The following FAM13C variants were observed in gnomAD, a reference collection of about 807,000 sequenced individuals.
FAM13C encodes family with sequence similarity 13 member C.
A neutral mutation model predicts 73.2 loss-of-function variants in FAM13C; 37 were observed. That is an observed-to-expected ratio of 0.51 (90% confidence interval 0.39 to 0.67). The LOEUF (loss-of-function observed/expected upper bound fraction) is 0.67. Ranked by LOEUF, FAM13C falls within the 30% of genes least tolerant of loss-of-function variation. The pLI is 0.00. For synonymous variants in FAM13C, 246 were observed against 260.9 expected, an observed-to-expected ratio of 0.94 and a Z score of 0.55; for missense variants, 589 against 715.6, an observed-to-expected ratio of 0.82 and a Z score of 2.02.
At chr10:59,293,239 A>G (rs1260421762) in intron 5 of FAM13C, among the ~76,000 whole-genome samples, 1 of 135,506 alleles carries the variant, frequency 7.4e-6, no homozygotes, top group African/African-American at 2.6e-5. Flanking sequence ...ATGCCCAGCT[A>G]ATTTTTTTTT....
chr10:59,252,427 CTTAAA>C (rs1400309680), intron 12 of FAM13C, among the ~76,000 whole-genome samples: 3 of 151,984 alleles, frequency 2.0e-5, no homozygotes, highest in East Asian at 3.9e-4. Context: ...CTTCTGTCAA[CTTAAA>C]TTAAATTAAA....
chr10:59,268,712 A>G (rs745638813), intron 7 of FAM13C, 21 bp from the exon 8 acceptor site: 3 of 1,606,008 alleles, frequency 1.9e-6, no homozygotes, highest in Non-Finnish European at 2.5e-6. Context: ...TACAAGGAGG[A>G]AGGAGTATCA....
chr10:59,281,342 T>A (rs908822183), intron 6 of FAM13C, among the ~76,000 whole-genome samples: 1 of 152,206 alleles, frequency 6.6e-6, no homozygotes, highest in African/African-American at 2.4e-5. Flanking sequence ...AGAGTGCATC[T>A]AAGAACCCAG....
At chr10:59,264,341 C>T (rs919427133) in intron 8 of FAM13C, among the ~76,000 whole-genome samples, 175 bp from the exon 9 acceptor site, 2 of 152,180 alleles carry the variant, frequency 1.3e-5, no homozygotes, top group Non-Finnish European at 2.9e-5. Flanking sequence ...GGAGTTGCTT[C>T]TGATGAAGTT....
chr10:59,334,526 A>T (rs997641270), intron 3 of FAM13C, among the ~76,000 whole-genome samples: 1 of 152,158 alleles, frequency 6.6e-6, no homozygotes, highest in Non-Finnish European at 1.5e-5. Flanking sequence ...CAACAATGAT[A>T]GACTGGATTA....
chr10:59,332,234 A>G (rs1438328106), intron 3 of FAM13C, among the ~76,000 whole-genome samples: 1 of 151,888 alleles, frequency 6.6e-6, no homozygotes, highest in Non-Finnish European at 1.5e-5. Context: ...ATATGTTTGT[A>G]TATATATGTG....
chr10:59,361,760 G>C (rs1856445427), intron 1 of FAM13C, among the ~76,000 whole-genome samples: 1 of 152,070 alleles, frequency 6.6e-6, no homozygotes, highest in Non-Finnish European at 1.5e-5. Context: ...AAAATACTGT[G>C]CTTGCTGGTA....
At chr10:59,286,542 T>TATA (rs58052786) in intron 5 of FAM13C, among the ~76,000 whole-genome samples, 2 of 140,638 alleles carry the variant, frequency 1.4e-5, no homozygotes, top group African/African-American at 5.2e-5. Context: ...TATATATATA[T>TATA]TCATCATACA....
chr10:59,361,857 C>T (rs973920411), intron 1 of FAM13C, among the ~76,000 whole-genome samples: 2 of 152,146 alleles, frequency 1.3e-5, no homozygotes, highest in Non-Finnish European at 2.9e-5. Flanking sequence ...CTAGGTGACT[C>T]ATTCGTCCCA....
In FAM13C at chr10:59,336,682, CA is replaced by C. The variant is rs1852763943; in HGVS notation, c.325-12577del. 4.6e-5 allele frequency among the ~76,000 whole-genome samples: 7 copies of C among 152,178 alleles called. No individual in the cohort carries two copies. In the South Asian group the frequency reaches 1.5e-3, roughly 32 times the overall value. On this transcript the variant is annotated intron_variant, in intron 3 of 13. Transcript: ENST00000618804. ...CCTCCAATGGGAAATTCTCCAAGTG[CA>C]AGAACAGAGTTCAGATGCTTGGCAG...
At chr10:59,342,842 T>C (rs184965472) in intron 3 of FAM13C, among the ~76,000 whole-genome samples, 2 of 152,338 alleles carry the variant, frequency 1.3e-5, no homozygotes, top group African/African-American at 4.8e-5. Context: ...CCAAACAGCT[T>C]TACTTCTAAG....
At chr10:59,269,107 G>A (rs1241771051) in intron 7 of FAM13C, among the ~76,000 whole-genome samples, 1 of 151,824 alleles carries the variant, frequency 6.6e-6, no homozygotes, top group Non-Finnish European at 1.5e-5. Context: ...ATGAAAGGAT[G>A]GGCCTCTTTT....
Position 59,324,065 on chromosome 10 carries a change from C to T in FAM13C, c.366G>A (p.Val122=). The change falls in exon 4 of 14, where the codon GTG becomes GTA. Residue 122 remains valine (V), a synonymous_variant. Transcript: ENST00000618804. ...TCTCATGAGCTGGTGTTCCTGCTCTCACCTGACACTCTGACTGGCTGGATA... is the reference window on the plus strand; with the variant it reads ...TCTCATGAGCTGGTGTTCCTGCTCTTACCTGACACTCTGACTGGCTGGATA... ...HVVSSQSECQ[V]RAGTPAHESP... The T allele has an allele frequency of 5.6e-6, 9 of 1,614,034 alleles. No individual in the cohort carries two copies. The highest frequency in any genetic ancestry group is 7.6e-6 in the Non-Finnish European group (9 of 1,179,932).
At chr10:59,338,103 TA>T (rs1852983574) in intron 3 of FAM13C, among the ~76,000 whole-genome samples, 1 of 152,182 alleles carries the variant, frequency 6.6e-6, no homozygotes, top group Non-Finnish European at 1.5e-5. Flanking sequence ...GTAGATATTT[TA>T]AAAGGATTAT....
Position 59,311,028 on chromosome 10 carries a change from T to A in FAM13C, c.444-8164A>T, listed in dbSNP as rs573103074. On this transcript the variant is annotated intron_variant, in intron 4 of 13. Transcript: ENST00000618804. ...AACTTCTTTGAGTATAGGAGTGACA[T>A]GGTGTTTCTGGCCTGGTCCCCCAGG... is the stretch of plus-strand genomic sequence containing the variant. Among the ~76,000 whole-genome samples the A allele has an allele frequency of 1.4e-4, 21 of 152,268 alleles. No individual in the cohort carries two copies. In the South Asian group the frequency reaches 4.4e-3, roughly 32 times the overall value.
At chr10:59,295,377 C>T (rs450493) in intron 5 of FAM13C, among the ~76,000 whole-genome samples, 92,821 of 151,990 alleles carry the variant, frequency 0.61, 28,917 homozygotes, top group Admixed American at 0.69. Context: ...GGATTTGCCA[C>T]GCTGTTGCTG....
chr10:59,268,225 AAAAGAAGAAG>A (rs1374304802), intron 8 of FAM13C, among the ~76,000 whole-genome samples: 1 of 141,962 alleles, frequency 7.0e-6, no homozygotes, highest in Non-Finnish European at 1.5e-5. Context: ...AGAAAAAAGA[AAAAGAAGAAG>A]AAGAAGAAGA....
At chr10:59,343,968 C>CTT (rs760773172) in intron 3 of FAM13C, among the ~76,000 whole-genome samples, 5 of 135,484 alleles carry the variant, frequency 3.7e-5, no homozygotes, top group Admixed American at 1.5e-4. Flanking sequence ...TTTCTTTTTT[C>CTT]TTTTTTTTTT....
intron 5 of FAM13C, among the ~76,000 whole-genome samples, chr10:59,286,798 T>A (rs913537611): frequency 2.8e-5 from 4 of 141,914 alleles, no homozygotes; most frequent in African/African-American, 1.0e-4. Flanking sequence ...CTTTGGGAGG[T>A]CAAGGCGGTG....
Sources: allele counts gnomAD v4.1 joint callset (sites outside exome capture counted in the v4.1 genomes callset), GRCh38; gene constraint gnomAD v4.1.1; transcripts MANE v1.5; gene names NCBI Gene and HGNC (gene_info 2026-07-23, HGNC 2026-07-21).